Variants in HTR4 observed in about 807,000 individuals in gnomAD.
HTR4 encodes the protein 5-hydroxytryptamine (serotonin) receptor 4, G protein-coupled.
A neutral mutation model predicts 36.8 loss-of-function variants in HTR4; 16 were observed. The observed-to-expected ratio is 0.43, with a 90% CI of 0.29 to 0.66. The LOEUF (loss-of-function observed/expected upper bound fraction) is 0.66. Among genes scored for constraint, HTR4 ranks in the 30% least tolerant of loss-of-function variants. The pLI, the probability that HTR4 is intolerant of heterozygous loss-of-function variation, is 0.13. For missense variants in HTR4, 438 were observed against 490.9 expected, an observed-to-expected ratio of 0.89 and a Z score of 1.02; for synonymous variants, 189 against 185.1, an observed-to-expected ratio of 1.02 and a Z score of -0.17.
intron 2 of HTR4, among the ~76,000 whole-genome samples, chr5:148,605,717 T>C (rs1752133322): frequency 6.6e-6 from 1 of 151,236 alleles, no homozygotes; most frequent in Non-Finnish European, 1.5e-5. Flanking sequence ...CACCATTGTA[T>C]AGATGAAGAA....
chr5:148,451,535 G>A (rs1482208171), intron 5 of HTR4, among the ~76,000 whole-genome samples: 1 of 152,094 alleles, frequency 6.6e-6, no homozygotes, highest in Non-Finnish European at 1.5e-5. Flanking sequence ...GCAGAGCTGG[G>A]ACAAGAACCC....
chr5:148,646,777 G>A (rs1018954168), intron 1 of HTR4, among the ~76,000 whole-genome samples: 1 of 152,118 alleles, frequency 6.6e-6, no homozygotes, highest in Non-Finnish European at 1.5e-5. Context: ...TTCACATCAC[G>A]CTATCAGGAG....
chr5:148,622,031 G>A (rs146619386), intron 2 of HTR4, among the ~76,000 whole-genome samples: 41 of 152,180 alleles, frequency 2.7e-4, no homozygotes, highest in African/African-American at 9.2e-4. Flanking sequence ...AGCTTTGACC[G>A]GTATCCAAAT....
At chr5:148,469,859 T>A (rs992230124) in intron 5 of HTR4, among the ~76,000 whole-genome samples, 2 of 152,212 alleles carry the variant, frequency 1.3e-5, no homozygotes, top group African/African-American at 4.8e-5. Context: ...GACACATTGG[T>A]CCAGAATGCA....
At chr5:148,608,185 C>T (rs1015478200) in intron 2 of HTR4, among the ~76,000 whole-genome samples, 14 of 152,326 alleles carry the variant, frequency 9.2e-5, no homozygotes, top group African/African-American at 3.4e-4. Flanking sequence ...CTTTCACATT[C>T]ACTCAACAAA....
At chr5:148,499,888 C>G (rs1756859122) in intron 6 of HTR4, among the ~76,000 whole-genome samples, 1 of 152,180 alleles carries the variant, frequency 6.6e-6, no homozygotes, top group Non-Finnish European at 1.5e-5. Context: ...CTTTCTCTCT[C>G]TTGCTCCCCT....
chr5:148,547,695 C>T (rs968925824), intron 4 of HTR4, among the ~76,000 whole-genome samples: 14 of 151,778 alleles, frequency 9.2e-5, no homozygotes, highest in Non-Finnish European at 1.5e-4. Context: ...TAGCTCGAGA[C>T]CAGCCTGGGT....
chr5:148,493,369 G>C (rs755479537), intron 6 of HTR4, among the ~76,000 whole-genome samples: 4 of 152,168 alleles, frequency 2.6e-5, no homozygotes, highest in Non-Finnish European at 5.9e-5. Context: ...AAGCAGTTGA[G>C]TTAGTTTTCT....
At chr5:148,611,487 T>A (rs1752426001) in intron 2 of HTR4, among the ~76,000 whole-genome samples, 2 of 131,558 alleles carry the variant, frequency 1.5e-5, no homozygotes, top group South Asian at 5.9e-4. Context: ...TGAGAGATTT[T>A]GTCACCACCA....
At chr5:148,454,495 G>T (rs1755050489) in intron 5 of HTR4, among the ~76,000 whole-genome samples, 1 of 152,108 alleles carries the variant, frequency 6.6e-6, no homozygotes, top group Non-Finnish European at 1.5e-5. Flanking sequence ...TAATGATAAT[G>T]ATGATGATGA....
At chr5:148,457,413 C>G (rs991871860) in intron 5 of HTR4, among the ~76,000 whole-genome samples, 28 of 151,442 alleles carry the variant, frequency 1.8e-4, no homozygotes, top group African/African-American at 6.1e-4. Context: ...CCTGAGTCTA[C>G]AATTCATTCA....
chr5:148,569,404 A>G (rs932366044), intron 2 of HTR4, among the ~76,000 whole-genome samples: 1 of 152,040 alleles, frequency 6.6e-6, no homozygotes, highest in Non-Finnish European at 1.5e-5. Flanking sequence ...AATGCATGTG[A>G]GGCTTAATGC....
At chr5:148,514,704 G>C (rs899140836) in intron 5 of HTR4, among the ~76,000 whole-genome samples, 2 of 152,036 alleles carry the variant, frequency 1.3e-5, no homozygotes, top group Non-Finnish European at 2.9e-5. Context: ...TACATATTCA[G>C]TATCTTGTTT....
intron 4 of HTR4, among the ~76,000 whole-genome samples, chr5:148,526,564 A>G (rs1758285924): frequency 6.6e-6 from 1 of 152,170 alleles, no homozygotes; most frequent in South Asian, 2.1e-4. Flanking sequence ...CAAAAACACA[A>G]GGCCAAATTA....
intron 6 of HTR4, among the ~76,000 whole-genome samples, chr5:148,507,869 C>A (rs1757300379): frequency 6.6e-6 from 1 of 152,208 alleles, no homozygotes; most frequent in South Asian, 2.1e-4. Flanking sequence ...GATTAAATAG[C>A]TAAAAACTAT....
rs1438047715 is a variant in HTR4, at chr5:148,509,578, A to T, written c.954T>A (p.Ser318=). The T allele has an allele frequency of 6.2e-7, 1 of 1,613,966 alleles. No homozygotes were observed. Among genetic ancestry groups the T allele is most frequent in the Admixed American group, 1.7e-5 (1 of 59,970 alleles). Residue 318 remains serine (S), a synonymous_variant, in exon 6 of 7, where the codon TCT becomes TCA. Transcript: ENST00000377888. ...NPFLYAFLNK[S]FRRAFLIILC... is the part of the protein sequence containing the mutation. ...GGATGATGAGGAAGGCACGTCTAAA[A>T]GACTTATTCAAGAAGGCGTAGAGAA...
intron 6 of HTR4, chr5:148,490,668 C>G (rs2113733845): frequency 8.5e-7 from 1 of 1,176,320 alleles, no homozygotes; most frequent in Non-Finnish European, 1.1e-6. Flanking sequence ...TCAATCAACA[C>G]TTTTAATTGA....
rs1757401570 is a variant in HTR4, at chr5:148,509,733, A to G, written c.799T>C (p.Cys267Arg). The G allele has an allele frequency of 6.2e-7, 1 of 1,613,998 alleles. No individual in the cohort carries two copies. The highest frequency in any genetic ancestry group is 1.3e-5 in the African/African-American group (1 of 74,924). Residue 267 changes from cysteine to arginine, a missense_variant, in exon 6 of 7, where the codon TGC (cysteine) becomes CGC (arginine). Cys to Arg is a radical substitution (Grantham distance 180). Coordinates refer to ENST00000377888, the MANE Select transcript of HTR4 (RefSeq NM_000870.7). ...AAKTLCIIMGCFCLCWAPFFV... is the reference protein window; with the variant it reads ...AAKTLCIIMGRFCLCWAPFFV... ...AATGGTGCCCAGCAGAGGCAGAAGCAACCCATGATGATGCACAGGGTCTTG... is the reference window on the plus strand; with the variant it reads ...AATGGTGCCCAGCAGAGGCAGAAGCGACCCATGATGATGCACAGGGTCTTG...
At chr5:148,537,361 T>C (rs182622227) in intron 4 of HTR4, among the ~76,000 whole-genome samples, 3 of 151,764 alleles carry the variant, frequency 2.0e-5, no homozygotes, top group Admixed American at 6.6e-5. Flanking sequence ...ACCCCAAAAA[T>C]AGCAGAGGAC....
Sources: gnomAD v4.1 joint callset for allele counts (sites outside exome capture counted in the v4.1 genomes callset) on GRCh38, gnomAD v4.1.1 for gene constraint, MANE v1.5 for transcripts, NCBI Gene and HGNC (gene_info 2026-07-23, HGNC 2026-07-21) for gene names.